Variants in ZNF804A observed in about 807,000 individuals in gnomAD.
ZNF804A encodes the protein zinc finger protein 804A.
Under a neutral mutation model 16.5 loss-of-function variants are expected in ZNF804A, and 2 were observed. That is an observed-to-expected ratio of 0.12 (90% confidence interval 0.05 to 0.38). The LOEUF (loss-of-function observed/expected upper bound fraction) is 0.38. Among genes scored for constraint, ZNF804A ranks in the 10% least tolerant of loss-of-function variants. The pLI, the probability that ZNF804A is intolerant of heterozygous loss-of-function variation, is 0.99. For synonymous variants in ZNF804A, 534 were observed against 489.6 expected (o/e 1.09, Z -1.20); for missense variants, 1,473 against 1,390.7 (o/e 1.06, Z -0.94).
At chr2:184,808,598 AT>A (rs1194853886) in intron 1 of ZNF804A, among the ~76,000 whole-genome samples, 15 of 151,534 alleles carry the variant, frequency 9.9e-5, no homozygotes, top group Non-Finnish European at 1.5e-5. Flanking sequence ...TTATTTAAAT[AT>A]TAATAGATTA....
chr2:184,833,750 C>T (rs1370398547), intron 1 of ZNF804A, among the ~76,000 whole-genome samples: 1 of 151,962 alleles, frequency 6.6e-6, no homozygotes, highest in African/African-American at 2.4e-5. Flanking sequence ...CACAAGATGC[C>T]ACTTTGTCAC....
At chr2:184,929,253 C>A (rs1186670374) in intron 2 of ZNF804A, among the ~76,000 whole-genome samples, 4 of 152,136 alleles carry the variant, frequency 2.6e-5, no homozygotes, top group Non-Finnish European at 5.9e-5. Context: ...CCTCAATATT[C>A]AATGATTATG....
At chr2:184,608,200 T>C (rs902132135) in intron 1 of ZNF804A, among the ~76,000 whole-genome samples, 5 of 151,976 alleles carry the variant, frequency 3.3e-5, no homozygotes, top group South Asian at 4.2e-4. Flanking sequence ...CCGCCTCGGC[T>C]TCCCAAAGTG....
intron 1 of ZNF804A, among the ~76,000 whole-genome samples, chr2:184,727,986 T>G (rs1693441519): frequency 6.6e-6 from 1 of 151,694 alleles, no homozygotes; most frequent in African/African-American, 2.4e-5. Context: ...AAAATAGCAT[T>G]GGGTGGTTAT....
At chr2:184,857,473 G>A (rs180935481) in intron 1 of ZNF804A, among the ~76,000 whole-genome samples, 51 of 152,168 alleles carry the variant, frequency 3.4e-4, no homozygotes, top group African/African-American at 8.7e-4. Context: ...ATAATACTCC[G>A]TACATGTTGG....
At chr2:184,641,090 G>T (rs1210685017) in intron 1 of ZNF804A, among the ~76,000 whole-genome samples, 3 of 152,092 alleles carry the variant, frequency 2.0e-5, no homozygotes, top group Non-Finnish European at 2.9e-5. Context: ...GAGTAGCTGG[G>T]ATTACAGGAG....
At position 184,936,677 on chromosome 2, in the gene ZNF804A, T is replaced by G; in HGVS notation, c.1281T>G (p.Pro427=). ...AAAGACAATGTGAGCCATTTGTACC[T>G]GTCCTTAACAAACACAGATCTACAG... ...FCKRQCEPFV[P]VLNKHRSTVL... is the part of the protein sequence containing the mutation. The change falls in exon 4 of 4, where the codon CCT becomes CCG. Residue 427 remains proline (P), a synonymous_variant. Coordinates refer to ENST00000302277, the MANE Select transcript of ZNF804A (RefSeq NM_194250.2). The G allele has an allele frequency of 5.0e-6, 8 of 1,613,892 alleles. No homozygotes were observed. The highest frequency in any genetic ancestry group is 6.8e-6 in the Non-Finnish European group (8 of 1,179,904).
chr2:184,643,531 A>G (rs543479294), intron 1 of ZNF804A, among the ~76,000 whole-genome samples: 36 of 152,088 alleles, frequency 2.4e-4, no homozygotes, highest in African/African-American at 7.5e-4. Flanking sequence ...CAACAAATCT[A>G]TTTTACTATA....
intron 1 of ZNF804A, among the ~76,000 whole-genome samples, chr2:184,821,014 G>T (rs1695070309): frequency 6.6e-6 from 1 of 152,006 alleles, no homozygotes; most frequent in Admixed American, 6.6e-5. Context: ...TAGATTAAAT[G>T]CTATTTGTAT....
At chr2:184,687,351 A>G (rs1692653173) in intron 1 of ZNF804A, among the ~76,000 whole-genome samples, 1 of 152,212 alleles carries the variant, frequency 6.6e-6, no homozygotes, top group African/African-American at 2.4e-5. Flanking sequence ...TATTGCTGGA[A>G]GATGTCAAAG....
At chr2:184,633,117 G>A (rs1691640136) in intron 1 of ZNF804A, among the ~76,000 whole-genome samples, 1 of 152,098 alleles carries the variant, frequency 6.6e-6, no homozygotes, top group African/African-American at 2.4e-5. Context: ...CCAAATCTTA[G>A]TTTATTCTAT....
At chr2:184,761,913 T>C (rs1333536727) in intron 1 of ZNF804A, among the ~76,000 whole-genome samples, 1 of 152,096 alleles carries the variant, frequency 6.6e-6, no homozygotes. Context: ...AGCCTAGAAA[T>C]TATGAAACTA....
At chr2:184,693,855 T>G (rs1692773854) in intron 1 of ZNF804A, among the ~76,000 whole-genome samples, 1 of 150,464 alleles carries the variant, frequency 6.6e-6, no homozygotes, top group Non-Finnish European at 1.5e-5. Flanking sequence ...AAATAAAATT[T>G]AAAAAACCTA....
intron 1 of ZNF804A, among the ~76,000 whole-genome samples, chr2:184,835,562 C>A (rs1458534214): frequency 6.6e-6 from 1 of 151,866 alleles, no homozygotes. Flanking sequence ...AGTCCAAGCC[C>A]TGCCTCCAGA....
intron 1 of ZNF804A, among the ~76,000 whole-genome samples, chr2:184,699,344 A>C (rs1478813487): frequency 1.3e-5 from 2 of 152,158 alleles, no homozygotes; most frequent in Non-Finnish European, 2.9e-5. Flanking sequence ...AGTAATACCA[A>C]TCTGAAAGCT....
chr2:184,779,345 T>C (rs918898150), intron 1 of ZNF804A, among the ~76,000 whole-genome samples: 1 of 151,808 alleles, frequency 6.6e-6, no homozygotes, highest in African/African-American at 2.4e-5. Context: ...TTTACTATTA[T>C]AGCTGTTTTA....
intron 1 of ZNF804A, among the ~76,000 whole-genome samples, chr2:184,860,450 G>C (rs1245617814): frequency 2.6e-5 from 4 of 152,214 alleles, no homozygotes; most frequent in Admixed American, 2.0e-4. Flanking sequence ...TATATCCACA[G>C]GAACTTGCCT....
rs542811463 is a variant in ZNF804A, at chr2:184,846,324, T to C, written c.112-20045T>C. 9.9e-5 allele frequency among the ~76,000 whole-genome samples: 15 copies of C among 152,266 alleles called. No homozygotes were observed. The South Asian group carries it at 3.1e-3, about 32-fold the overall frequency. The stretch of plus-strand genomic sequence containing the variant: ...ACTACTGTGAAAACTGAGCTAGTAA[T>C]ACATACGCAGCAGATCATTATATGC... On this transcript the variant is annotated intron_variant, in intron 1 of 3. Transcript: ENST00000302277.
At chr2:184,679,107 A>G (rs930423948) in intron 1 of ZNF804A, among the ~76,000 whole-genome samples, 5 of 152,248 alleles carry the variant, frequency 3.3e-5, no homozygotes, top group African/African-American at 1.2e-4. Context: ...TTAATTGGCA[A>G]TTAATGAATC....
Sources: allele counts gnomAD v4.1 joint callset (sites outside exome capture counted in the v4.1 genomes callset), GRCh38; gene constraint gnomAD v4.1.1; transcripts MANE v1.5; gene names NCBI Gene and HGNC (gene_info 2026-07-23, HGNC 2026-07-21).